The following CDH9 variants were observed in gnomAD, a reference collection of about 807,000 sequenced individuals.
CDH9 encodes cadherin 9.
A neutral mutation model predicts 70.9 loss-of-function variants in CDH9; 28 were observed. The observed-to-expected ratio is 0.40, with a 90% confidence interval of 0.29 to 0.54. The LOEUF (loss-of-function observed/expected upper bound fraction) is 0.54. CDH9 is among the 20% of genes least tolerant of loss of function. The pLI, the probability that CDH9 is intolerant of heterozygous loss-of-function variation, is 0.59. For missense variants in CDH9, 874 were observed against 984.4 expected (o/e 0.89, Z 1.50); for synonymous variants, 409 against 343.1 (o/e 1.19, Z -2.12).
At chr5:26,926,592 T>G (rs1284155845) in intron 2 of CDH9, among the ~76,000 whole-genome samples, 1 of 151,424 alleles carries the variant, frequency 6.6e-6, no homozygotes, top group Non-Finnish European at 1.5e-5. Context: ...AAAAAAAAAC[T>G]ACTTTAAAGT....
chr5:26,979,588 T>A (rs1317577093), intron 2 of CDH9, among the ~76,000 whole-genome samples: 1 of 151,870 alleles, frequency 6.6e-6, no homozygotes. Flanking sequence ...CCAAATATTG[T>A]CAGATTGCGT....
chr5:26,880,656 A>G lies in CDH9; in HGVS notation c.*480T>C, dbSNP rs1004031450. 5.2e-5 allele frequency: 8 copies of G among 152,512 alleles called. No individual in the cohort carries two copies. The highest frequency in any genetic ancestry group is 1.9e-4 in the African/African-American group (8 of 41,440). 9.4% of individuals were successfully genotyped at this position (152,512 alleles called of 1,614,324 possible). ...TACAAAAATATAAATATACATTTAT[A>G]AAAATATGAATGAATTAACACAAAG... On this transcript the variant is annotated 3_prime_UTR_variant, in exon 12 of 12. Coordinates refer to ENST00000231021, the MANE Select transcript of CDH9 (RefSeq NM_016279.4).
chr5:26,978,841 C>A (rs1426593803), intron 2 of CDH9, among the ~76,000 whole-genome samples: 1 of 151,730 alleles, frequency 6.6e-6, no homozygotes, highest in Non-Finnish European at 1.5e-5. Context: ...AATGTAACAA[C>A]AATTTTAAGT....
chr5:27,022,962 G>C (rs959508452), intron 1 of CDH9, among the ~76,000 whole-genome samples: 1 of 151,844 alleles, frequency 6.6e-6, no homozygotes, highest in Non-Finnish European at 1.5e-5. Flanking sequence ...TTCCTTATAG[G>C]ATGGAAGCTT....
At chr5:27,011,536 T>G (rs1007183431) in intron 1 of CDH9, among the ~76,000 whole-genome samples, 1 of 152,050 alleles carries the variant, frequency 6.6e-6, no homozygotes, top group African/African-American at 2.4e-5. Context: ...CACCTTGCTT[T>G]CAGATTTAGG....
chr5:26,968,813 A>G (rs1742170604), intron 2 of CDH9, among the ~76,000 whole-genome samples: 1 of 152,082 alleles, frequency 6.6e-6, no homozygotes, highest in South Asian at 2.1e-4. Flanking sequence ...TAGAAGTATT[A>G]GTACTGTTCC....
chr5:26,923,156 G>A (rs1741276807), intron 2 of CDH9, among the ~76,000 whole-genome samples: 1 of 148,248 alleles, frequency 6.7e-6, no homozygotes, highest in Admixed American at 6.7e-5. Context: ...GCAATCTATT[G>A]TATTCAGGAA....
chr5:27,002,488 C>T lies in CDH9; in HGVS notation c.-49-14106G>A, dbSNP rs577689929. Among the ~76,000 whole-genome samples the T allele has an allele frequency of 5.3e-5, 8 of 152,204 alleles. No individual in the cohort carries two copies. The South Asian group carries it at 1.2e-3, about 24-fold the overall frequency. The stretch of plus-strand genomic sequence containing the variant: ...ATGCACACGTATGTTTATTGTGGCA[C>T]TATTCACAATAGCAAAGACTTGGAA... On this transcript the variant is annotated intron_variant, in intron 1 of 11. Transcript: ENST00000231021.
At chr5:26,958,607 TTA>T (rs1741985005) in intron 2 of CDH9, among the ~76,000 whole-genome samples, 1 of 152,150 alleles carries the variant, frequency 6.6e-6, no homozygotes. Context: ...GTGAATAATT[TTA>T]TATTAAAAAA....
intron 3 of CDH9, among the ~76,000 whole-genome samples, chr5:26,910,768 GA>G (rs1741038360): frequency 6.6e-6 from 1 of 152,178 alleles, no homozygotes; most frequent in Non-Finnish European, 1.5e-5. Flanking sequence ...TACAGAAAGT[GA>G]AAAACGAGTT....
At chr5:26,962,792 C>A (rs10078109) in intron 2 of CDH9, among the ~76,000 whole-genome samples, 4,756 of 151,942 alleles carry the variant, frequency 0.031, 264 homozygotes, top group African/African-American at 0.11. Flanking sequence ...GTGTTCTGTT[C>A]TCTTCTGTTG....
chr5:27,027,247 C>G (rs1743235613), intron 1 of CDH9, among the ~76,000 whole-genome samples: 1 of 151,850 alleles, frequency 6.6e-6, no homozygotes, highest in Admixed American at 6.6e-5. Context: ...CAAAATTGTT[C>G]AAAATATTAA....
intron 1 of CDH9, among the ~76,000 whole-genome samples, chr5:27,009,541 T>G (rs1318317169): frequency 6.6e-6 from 1 of 152,098 alleles, no homozygotes; most frequent in African/African-American, 2.4e-5. Context: ...TACTATTCTG[T>G]GGGTCCATTC....
intron 5 of CDH9, among the ~76,000 whole-genome samples, chr5:26,904,377 C>T (rs1009078531): frequency 2.2e-4 from 1 of 4,588 alleles, no homozygotes. Context: ...ATTCTGGTAA[C>T]CCTAAAAAGC....
At chr5:26,961,780 C>T (rs1467342691) in intron 2 of CDH9, among the ~76,000 whole-genome samples, 8 of 152,094 alleles carry the variant, frequency 5.3e-5, no homozygotes, top group Non-Finnish European at 8.8e-5. Flanking sequence ...GCAGTTTCGT[C>T]ACCACCCATA....
chr5:26,883,789 T>C (rs1050328013), intron 11 of CDH9, among the ~76,000 whole-genome samples: 1 of 152,044 alleles, frequency 6.6e-6, no homozygotes, highest in Non-Finnish European at 1.5e-5. Context: ...CTGAAAAGTG[T>C]CCCTACAACC....
intron 1 of CDH9, among the ~76,000 whole-genome samples, chr5:27,024,064 A>G (rs1743182997): frequency 6.6e-6 from 1 of 151,892 alleles, no homozygotes. Context: ...AAATAAATAA[A>G]TAAATAAATA....
chr5:26,927,534 C>T (rs775770436), intron 2 of CDH9, among the ~76,000 whole-genome samples: 33 of 152,120 alleles, frequency 2.2e-4, no homozygotes, highest in Middle Eastern at 3.4e-3. Flanking sequence ...CTATCACATA[C>T]CGGGTTTGTG....
chr5:27,011,031 G>GT (rs1178080934), intron 1 of CDH9, among the ~76,000 whole-genome samples: 2 of 152,032 alleles, frequency 1.3e-5, no homozygotes, highest in African/African-American at 4.8e-5. Flanking sequence ...CTTTCCACAG[G>GT]TGAGACACAT....
Sources: gnomAD v4.1 joint callset for allele counts (sites outside exome capture counted in the v4.1 genomes callset) on GRCh38, gnomAD v4.1.1 for gene constraint, MANE v1.5 for transcripts, NCBI Gene and HGNC (gene_info 2026-07-23, HGNC 2026-07-21) for gene names.